Variants in UGT1A3 observed in about 807,000 individuals in gnomAD.
UGT1A3 encodes the protein UDP glucuronosyltransferase family 1 member A3.
In UGT1A3, 31 loss-of-function variants were observed where a neutral mutation model predicts 41.0. The observed-to-expected ratio is 0.76, with a 90% CI of 0.57 to 1.02. The LOEUF is 1.02. Ranked by LOEUF, UGT1A3 falls within the 50% of genes least tolerant of loss-of-function variation. UGT1A3 has a pLI of 0.00. For synonymous variants in UGT1A3, 262 were observed against 257.6 expected (o/e 1.02, Z -0.17); for missense variants, 737 against 671.0 (o/e 1.10, Z -1.09).
chr2:233,762,916 A>T (rs1698195607), intron 1 of UGT1A3, among the ~76,000 whole-genome samples: 1 of 152,252 alleles, frequency 6.6e-6, no homozygotes, highest in African/African-American at 2.4e-5. Context: ...TATTGAATTT[A>T]TTAGAATCTC....
chr2:233,737,661 T>A (rs1326139467), intron 1 of UGT1A3, among the ~76,000 whole-genome samples: 2 of 152,214 alleles, frequency 1.3e-5, no homozygotes, highest in Non-Finnish European at 2.9e-5. Context: ...GAGCTGCAGA[T>A]CGGAGCTGTT....
chr2:233,767,784 A>C, intron 2 of UGT1A3, 65 bp from the exon 3 acceptor site: 1 of 1,613,694 alleles, frequency 6.2e-7, no homozygotes, highest in East Asian at 2.2e-5. Flanking sequence ...TAGTTAGTAT[A>C]GCAGATTTGT....
Position 233,768,285 on chromosome 2 carries a change from A to G in UGT1A3, c.1153A>G (p.Asn385Asp), listed in dbSNP as rs777289979. 6 of 1,614,202 alleles carry G rather than the reference A, an allele frequency of 3.7e-6. No individual in the cohort carries two copies. In the South Asian group the frequency reaches 6.6e-5, roughly 18 times the overall value. ...GSHGVYESIC[N>D]GVPMVMMPLF... is the part of the protein sequence containing the mutation. ...CCATGGTGTTTATGAAAGCATATGC[A>G]ATGGCGTTCCCATGGTGATGATGCC... Residue 385 changes from asparagine to aspartate, a missense_variant, in exon 4 of 5, where the codon AAT becomes GAT. By Grantham distance (23) the Asn-to-Asp change is conservative. Coordinates refer to ENST00000482026, the MANE Select transcript of UGT1A3 (RefSeq NM_019093.4).
chr2:233,729,169 G>A lies in UGT1A3; in HGVS notation c.43G>A (p.Gly15Arg). 2 of 1,613,744 alleles carry A rather than the reference G, an allele frequency of 1.2e-6. No homozygotes were observed. Among genetic ancestry groups the A allele is most frequent in the Non-Finnish European group, 1.7e-6 (2 of 1,179,904 alleles). Residue 15 changes from glycine (G) to arginine (R), a missense_variant, in exon 1 of 5, where the codon GGA becomes AGA. Gly to Arg is a moderately radical substitution (Grantham distance 125). Coordinates refer to ENST00000482026, the MANE Select transcript of UGT1A3 (RefSeq NM_019093.4). ...LQVPLPWLAT[G>R]LLLLLSVQPW... Reference sequence around the variant, plus strand: ...GGTTCCCCTGCCGTGGCTGGCCACAGGACTGCTGCTTCTCCTCAGTGTCCA... The same window carrying A: ...GGTTCCCCTGCCGTGGCTGGCCACAAGACTGCTGCTTCTCCTCAGTGTCCA...
At chr2:233,760,509 C>T (rs72551340) in intron 1 of UGT1A3, 1 of 1,614,154 alleles carries the variant, frequency 6.2e-7, no homozygotes, top group African/African-American at 1.3e-5. Flanking sequence ...GAGCATTTTA[C>T]ACCTTGAAGA....
In UGT1A3 at chr2:233,729,294, C is replaced by G; in HGVS notation, c.168C>G (p.His56Gln). 6.2e-7 allele frequency: 1 copy of G among 1,614,226 alleles called. No individual in the cohort carries two copies. Among genetic ancestry groups the G allele is most frequent in the Non-Finnish European group, 8.5e-7 (1 of 1,180,036 alleles). ...TGCGGGAGCTCCATGCCAGAGGCCA[C>G]CAGGCAGTGGTCCTCACCCCAGAGG... ...EVLRELHARG[H>Q]QAVVLTPEVN... The change falls in exon 1 of 5, where the codon CAC becomes CAG. Residue 56 changes from histidine to glutamine, a missense_variant. By Grantham distance (24) the His-to-Gln change is conservative. Transcript: ENST00000482026.
intron 1 of UGT1A3, among the ~76,000 whole-genome samples, chr2:233,749,222 T>C (rs1694145273): frequency 6.6e-6 from 1 of 151,946 alleles, no homozygotes; most frequent in Non-Finnish European, 1.5e-5. Context: ...CACTCTAAGC[T>C]TCATTTTTTA....
chr2:233,760,503 A>G, intron 1 of UGT1A3: 1 of 1,614,262 alleles, frequency 6.2e-7, no homozygotes, highest in Non-Finnish European at 8.5e-7. Flanking sequence ...GAGACGGAGC[A>G]TTTTACACCT....
Position 233,737,223 on chromosome 2 carries a change from T to G in UGT1A3, c.867+7230T>G, listed in dbSNP as rs929456568. ...GCGGTGGACTCTGTTCAGTTCCAGC[T>G]TCCTGGATGCTTTGTTTACCTACTC... On this transcript the variant is annotated intron_variant, in intron 1 of 4. Transcript: ENST00000482026. Among the ~76,000 whole-genome samples, 4 of 152,236 alleles carry G rather than the reference T, an allele frequency of 2.6e-5. No homozygotes were observed. In the East Asian group the frequency reaches 7.7e-4, roughly 29 times the overall value.
At chr2:233,738,659 C>A (rs562004619) in intron 1 of UGT1A3, among the ~76,000 whole-genome samples, 17 of 152,190 alleles carry the variant, frequency 1.1e-4, no homozygotes, top group Admixed American at 4.6e-4. Flanking sequence ...GAACTACGAA[C>A]TTGAGAGAGA....
At chr2:233,741,883 TAGA>T (rs1422759422) in intron 1 of UGT1A3, 4 of 151,920 alleles carry the variant, frequency 2.6e-5, no homozygotes, top group Admixed American at 2.0e-4. Context: ...GAGGTGACCC[TAGA>T]AGAAGGGACC....
At chr2:233,731,876 G>A (rs2078215412) in intron 1 of UGT1A3, among the ~76,000 whole-genome samples, 1 of 152,166 alleles carries the variant, frequency 6.6e-6, no homozygotes, top group Non-Finnish European at 1.5e-5. Context: ...TTCCACAATG[G>A]TTGAACTAAT....
rs6431625 is a variant in UGT1A3, at chr2:233,729,266, T to C, written c.140T>C (p.Val47Ala). Residue 47 changes from valine (V) to alanine (A), a missense_variant, in exon 1 of 5, where the codon GTC becomes GCC. By Grantham distance (64) the Val-to-Ala change is moderately conservative. Transcript: ENST00000482026. ...DGSHWLSMRE[V>A]LRELHARGHQ... ...AGCCACTGGCTCAGCATGCGGGAGGTCTTGCGGGAGCTCCATGCCAGAGGC... is the reference window on the plus strand; with the variant it reads ...AGCCACTGGCTCAGCATGCGGGAGGCCTTGCGGGAGCTCCATGCCAGAGGC... 0.39 allele frequency: 636,149 copies of C among 1,613,866 alleles called. 130,866 individuals carry two copies. Among genetic ancestry groups the C allele is most frequent in the African/African-American group, 0.67 (50,058 of 74,950 alleles).
At chr2:233,763,534 C>T (rs545430015) in intron 1 of UGT1A3, among the ~76,000 whole-genome samples, 5 of 152,184 alleles carry the variant, frequency 3.3e-5, no homozygotes, top group Admixed American at 1.3e-4. Context: ...CTCCTTTTTC[C>T]GGATTTCTAC....
At chr2:233,736,010 G>A (rs1165111643) in intron 1 of UGT1A3, among the ~76,000 whole-genome samples, 2 of 152,178 alleles carry the variant, frequency 1.3e-5, no homozygotes, top group East Asian at 1.9e-4. Flanking sequence ...TTCTCGAGGA[G>A]TATCTTTGTG....
Position 233,743,622 on chromosome 2 carries a change from C to T in UGT1A3, c.867+13629C>T, listed in dbSNP as rs146398257. On this transcript the variant is annotated intron_variant, in intron 1 of 4. Coordinates refer to ENST00000482026, the MANE Select transcript of UGT1A3 (RefSeq NM_019093.4). ...TGGCCGCCGAAGAACTCCCTGAAGACGTCGGCTGGGTCGCGGAAGCTGAAG... is the reference window on the plus strand; with the variant it reads ...TGGCCGCCGAAGAACTCCCTGAAGATGTCGGCTGGGTCGCGGAAGCTGAAG... 1.1e-3 allele frequency: 1,535 copies of T among 1,367,328 alleles called. 50 individuals are homozygous for T. In the African/African-American group the frequency reaches 0.021, roughly 19 times the overall value. 84.7% of individuals were successfully genotyped at this position (1,367,328 alleles called of 1,614,324 possible). A position where few individuals can be genotyped will look rare whatever the true frequency, so the allele number is the denominator to read the frequency against.
At chr2:233,749,031 C>A (rs1694088347) in intron 1 of UGT1A3, among the ~76,000 whole-genome samples, 1 of 151,676 alleles carries the variant, frequency 6.6e-6, no homozygotes, top group African/African-American at 2.4e-5. Context: ...ATTTGGGGTT[C>A]ATTGATGTGG....
chr2:233,739,406 C>T (rs1344467177), intron 1 of UGT1A3, among the ~76,000 whole-genome samples: 1 of 152,190 alleles, frequency 6.6e-6, no homozygotes, highest in Non-Finnish European at 1.5e-5. Context: ...CAATGCCACC[C>T]TCTGAAAGCA....
chr2:233,765,844 C>G (rs997504549), intron 1 of UGT1A3, among the ~76,000 whole-genome samples: 1 of 152,044 alleles, frequency 6.6e-6, no homozygotes, highest in African/African-American at 2.4e-5. Flanking sequence ...TTCCTTGTCC[C>G]CCTCACAGAG....
Sources: allele counts gnomAD v4.1 joint callset (sites outside exome capture counted in the v4.1 genomes callset), GRCh38; gene constraint gnomAD v4.1.1; transcripts MANE v1.5; gene names NCBI Gene and HGNC (gene_info 2026-07-23, HGNC 2026-07-21).